IL13RA1: variants seen among roughly 807,000 people sequenced by gnomAD.
IL13RA1 encodes the protein interleukin 13 receptor subunit alpha 1.
In IL13RA1, 14 loss-of-function variants were observed where a neutral mutation model predicts 33.8. The ratio of observed to expected loss-of-function variants is 0.41; its 90% CI spans 0.27 to 0.65. The LOEUF (loss-of-function observed/expected upper bound fraction) is 0.65. Among genes scored for constraint, IL13RA1 ranks in the 30% least tolerant of loss-of-function variants. The pLI is 0.28. For synonymous variants in IL13RA1, 116 were observed against 115.7 expected (o/e 1.00, Z -0.02); for missense variants, 313 against 327.0 (o/e 0.96, Z 0.33).
At chrX:118,804,394 TACACACACACAC>T in the IL13RA1 span, among the ~76,000 whole-genome samples, 117 of 89,706 alleles carry the variant, frequency 1.3e-3, no homozygotes, top group African/African-American at 4.4e-3. Context: ...CAGCCATGCA[TACACACACACAC>T]ACACACACAC....
intron 6 of IL13RA1, among the ~76,000 whole-genome samples, chrX:118,762,316 ATAAG>A (rs759937870): frequency 3.1e-4 from 35 of 112,681 alleles, no homozygotes; most frequent in African/African-American, 8.4e-4. Flanking sequence ...GTGTGTGTCC[ATAAG>A]ATGGCGCCTT....
At chrX:118,761,401 T>C (rs2017589225) in intron 6 of IL13RA1, 112 bp downstream of exon 6, 4 of 392,660 alleles carry the variant, frequency 1.0e-5, no homozygotes, top group Non-Finnish European at 1.7e-5. Flanking sequence ...ATGATGATGA[T>C]GGTAATGAAA....
intron 10 of IL13RA1, among the ~76,000 whole-genome samples, chrX:118,783,726 T>C (rs954544338): frequency 1.4e-4 from 14 of 99,053 alleles, no homozygotes; most frequent in Non-Finnish European, 2.2e-4. Flanking sequence ...TTAATAGTTA[T>C]ACAGTTTTTA....
chrX:118,767,084 G>A lies in IL13RA1; in HGVS notation c.1009+108G>A, dbSNP rs2017657900. ...GACTGTCATGCTCTCTTGATGTCAG[G>A]AAAAGAGTACTTACAATTGAAATTT... is the stretch of plus-strand genomic sequence containing the variant. On this transcript the variant is annotated intron_variant, in intron 8 of 10. Coordinates refer to ENST00000371666, the MANE Select transcript of IL13RA1 (RefSeq NM_001560.3). 3 of 401,634 alleles carry A rather than the reference G, an allele frequency of 7.5e-6. No homozygotes were observed. In the African/African-American group the frequency reaches 7.7e-5, roughly 10 times the overall value. The allele number at this position is 401,634 out of a possible 1,213,427, so 33.1% of individuals were successfully genotyped here. A position where few individuals can be genotyped will look rare whatever the true frequency, so the allele number is the denominator to read the frequency against.
chrX:118,770,101 C>G, intron 8 of IL13RA1: 1 of 261,191 alleles, frequency 3.8e-6, no homozygotes. Context: ...CTGAGCTCTT[C>G]CAGGGCCCTG....
At chrX:118,743,261 C>T (rs1418109512) in intron 2 of IL13RA1, among the ~76,000 whole-genome samples, 1 of 111,511 alleles carries the variant, frequency 9.0e-6, no homozygotes, top group Non-Finnish European at 1.9e-5. Context: ...CTGAGGTATC[C>T]CTGAAGCATA....
chrX:118,786,544 C>G (rs936183890), intron 10 of IL13RA1, among the ~76,000 whole-genome samples: 1 of 112,070 alleles, frequency 8.9e-6, no homozygotes, highest in Non-Finnish European at 1.9e-5. Context: ...TTCTGTTGTT[C>G]ATTTTTGTAT....
chrX:118,792,271 C>A lies in IL13RA1; in HGVS notation c.*417C>A, dbSNP rs2017984180. 1 of 115,251 alleles carries A rather than the reference C, an allele frequency of 8.7e-6. No homozygotes were observed. The highest frequency in any genetic ancestry group is 1.8e-5 in the Non-Finnish European group (1 of 54,697). The allele number at this position is 115,251 out of a possible 1,213,427, so 9.5% of individuals were successfully genotyped here. ...AATGTCAAACTTGAGTCACAAAGAA[C>A]ATGTAGAAAACAAAATGGATAAAAT... is the stretch of plus-strand genomic sequence containing the variant. On this transcript the variant is annotated 3_prime_UTR_variant, in exon 11 of 11. Coordinates refer to ENST00000371666, the MANE Select transcript of IL13RA1 (RefSeq NM_001560.3).
chrX:118,732,957 A>G (rs747614058), intron 1 of IL13RA1, among the ~76,000 whole-genome samples: 1 of 112,040 alleles, frequency 8.9e-6, no homozygotes, highest in African/African-American at 3.2e-5. Context: ...CTCATGGTTC[A>G]TGTTGTATCA....
chrX:118,756,240 G>A (rs761816290), intron 4 of IL13RA1, among the ~76,000 whole-genome samples: 1 of 110,956 alleles, frequency 9.0e-6, no homozygotes, highest in South Asian at 3.8e-4. Context: ...CAAAACCTTT[G>A]TGCAACTCCC....
In IL13RA1 at chrX:118,742,755, G is replaced by A. The variant is rs1030193637; in HGVS notation, c.228+1599G>A. Among the ~76,000 whole-genome samples the A allele has an allele frequency of 6.3e-5, 7 of 111,152 alleles. No individual in the cohort carries two copies. In the South Asian group the frequency reaches 1.9e-3, roughly 31 times the overall value. On this transcript the variant is annotated intron_variant, in intron 2 of 10. Transcript: ENST00000371666. ...TATAAAATATGGGGTTGTTTTGGCGGGGGGCGGGTAATAATAGTACCAACT... is the reference window on the plus strand; with the variant it reads ...TATAAAATATGGGGTTGTTTTGGCGAGGGGCGGGTAATAATAGTACCAACT...
chrX:118,757,104 G>A (rs1018127019), intron 4 of IL13RA1, among the ~76,000 whole-genome samples: 2 of 111,748 alleles, frequency 1.8e-5, no homozygotes, highest in Middle Eastern at 4.7e-3. Flanking sequence ...AGGAGGAATC[G>A]TAGACTTCAG....
At chrX:118,746,843 C>T (rs1423244447) in intron 2 of IL13RA1, 111 bp from the exon 3 acceptor site, 2 of 538,805 alleles carry the variant, frequency 3.7e-6, no homozygotes, top group African/African-American at 4.7e-5. Context: ...CTGATCTATA[C>T]CATTTGATAA....
chrX:118,796,219 A>G (rs1262650363), downstream of IL13RA1, among the ~76,000 whole-genome samples: 6 of 112,594 alleles, frequency 5.3e-5, no homozygotes, highest in South Asian at 3.6e-4. Flanking sequence ...GTGATTTCAC[A>G]TAATCTGTAT....
chrX:118,782,800 C>T (rs1487038571), intron 10 of IL13RA1, among the ~76,000 whole-genome samples: 4 of 107,959 alleles, frequency 3.7e-5, no homozygotes, highest in Non-Finnish European at 7.7e-5. Flanking sequence ...TGGGCTTTTG[C>T]CATGTTGCCC....
intron 2 of IL13RA1, 30 bp downstream of exon 2, chrX:118,741,186 G>A (rs1224049956): frequency 2.0e-6 from 2 of 986,289 alleles, no homozygotes; most frequent in Non-Finnish European, 2.9e-6. Context: ...TTACATTGAT[G>A]AGGTAAAGTG....
At chrX:118,771,222 A>C (rs2017715911) in intron 8 of IL13RA1, among the ~76,000 whole-genome samples, 1 of 110,583 alleles carries the variant, frequency 9.0e-6, no homozygotes, top group African/African-American at 3.3e-5. Context: ...CAAATAACTC[A>C]ATCAAGATCA....
intron 4 of IL13RA1, among the ~76,000 whole-genome samples, chrX:118,753,843 A>G (rs761221335): frequency 2.6e-4 from 29 of 113,080 alleles, no homozygotes; most frequent in Non-Finnish European, 5.4e-4. Flanking sequence ...ATACAGTCCC[A>G]GAGCTGGTCA....
chrX:118,764,429 G>T (rs1476177682), intron 6 of IL13RA1, among the ~76,000 whole-genome samples: 1 of 109,568 alleles, frequency 9.1e-6, no homozygotes, highest in South Asian at 3.9e-4. Flanking sequence ...TCCCCAACAG[G>T]TCTACGATTC....
Sources: allele counts gnomAD v4.1 joint callset (sites outside exome capture counted in the v4.1 genomes callset), GRCh38; gene constraint gnomAD v4.1.1; transcripts MANE v1.5; gene names NCBI Gene and HGNC (gene_info 2026-07-23, HGNC 2026-07-21).